MGMT: variants seen among roughly 807,000 people sequenced by gnomAD.
MGMT encodes methylated-DNA--protein-cysteine methyltransferase.
A neutral mutation model predicts 15.9 loss-of-function variants in MGMT; 14 were observed. The observed-to-expected ratio is 0.88, with a 90% CI of 0.58 to 1.37. The LOEUF (loss-of-function observed/expected upper bound fraction) is 1.37. MGMT is among the 40% of genes most tolerant of loss of function. MGMT has a pLI of 0.00. For missense variants in MGMT, 282 were observed against 268.1 expected (o/e 1.05, Z -0.36); for synonymous variants, 130 against 118.2 (o/e 1.10, Z -0.65).
rs990385168 is a variant in MGMT, at chr10:129,488,978, T to C, written c.-13+21682T>C. On this transcript the variant is annotated intron_variant, in intron 1 of 4. Coordinates refer to ENST00000651593, the MANE Select transcript of MGMT (RefSeq NM_002412.5). The stretch of plus-strand genomic sequence containing the variant: ...CTATTCCAAGTGGACGCATGCCTTT[T>C]TCTAGGCTCTCCTGTTCCATTGATC... Among the ~76,000 whole-genome samples, 19 of 152,218 alleles carry C rather than the reference T, an allele frequency of 1.2e-4. 1 individual carries two copies.
intron 3 of MGMT, among the ~76,000 whole-genome samples, chr10:129,716,881 A>G (rs1589954884): frequency 6.6e-6 from 1 of 152,208 alleles, no homozygotes; most frequent in African/African-American, 2.4e-5. Flanking sequence ...GAAGATAACA[A>G]AATGGTTTAA....
intron 2 of MGMT, among the ~76,000 whole-genome samples, chr10:129,647,151 C>G (rs371062306): frequency 4.3e-4 from 65 of 152,212 alleles, no homozygotes; most frequent in Non-Finnish European, 7.9e-4. Flanking sequence ...CTGCTGGTGA[C>G]GGCTCTAATA....
At chr10:129,732,226 A>G (rs956723340) in intron 3 of MGMT, among the ~76,000 whole-genome samples, 12 of 152,122 alleles carry the variant, frequency 7.9e-5, no homozygotes, top group African/African-American at 2.7e-4. Context: ...ACGTAGGTAT[A>G]CATGTGCTAT....
Position 129,722,008 on chromosome 10 carries a change from T to C in MGMT, c.274+13965T>C, listed in dbSNP as rs147594955. ...TGGTTTAAAAAGCCAGAGCCTGTTA[T>C]ATATTTTCTACTAGACAAAAATAAT... On this transcript the variant is annotated intron_variant, in intron 3 of 4. Coordinates refer to ENST00000651593, the MANE Select transcript of MGMT (RefSeq NM_002412.5). Among the ~76,000 whole-genome samples the C allele has an allele frequency of 3.4e-4, 52 of 152,154 alleles. No individual in the cohort carries two copies. In the East Asian group the frequency reaches 8.9e-3, roughly 26 times the overall value.
intron 2 of MGMT, among the ~76,000 whole-genome samples, chr10:129,641,726 CTG>C (rs1301442923): frequency 2.0e-5 from 3 of 152,268 alleles, no homozygotes; most frequent in Admixed American, 6.5e-5. Context: ...CAATTATAGT[CTG>C]TGTTATGACA....
At chr10:129,657,388 C>T (rs1847536027) in intron 2 of MGMT, among the ~76,000 whole-genome samples, 1 of 136,444 alleles carries the variant, frequency 7.3e-6, no homozygotes, top group Non-Finnish European at 1.5e-5. Flanking sequence ...GGACCTCCTG[C>T]ATTCTAGGGA....
chr10:129,637,787 G>A (rs1847278907), intron 2 of MGMT, among the ~76,000 whole-genome samples: 1 of 152,216 alleles, frequency 6.6e-6, no homozygotes, highest in African/African-American at 2.4e-5. Flanking sequence ...AGATGACCAT[G>A]TGAAGTGGCA....
At chr10:129,687,640 G>A (rs1036981769) in intron 2 of MGMT, among the ~76,000 whole-genome samples, 2 of 151,534 alleles carry the variant, frequency 1.3e-5, no homozygotes, top group Non-Finnish European at 2.9e-5. Context: ...TACTGTGCAT[G>A]TGTCAGGGGA....
intron 2 of MGMT, among the ~76,000 whole-genome samples, chr10:129,604,118 A>G (rs779296761): frequency 7.9e-5 from 12 of 152,168 alleles, no homozygotes; most frequent in Non-Finnish European, 1.6e-4. Context: ...TACTGATGGT[A>G]TGAAATGGGG....
At chr10:129,580,384 C>G (rs1846538261) in intron 2 of MGMT, among the ~76,000 whole-genome samples, 1 of 152,202 alleles carries the variant, frequency 6.6e-6, no homozygotes, top group African/African-American at 2.4e-5. Flanking sequence ...ACAGTAGAAA[C>G]TGAGGCATGG....
chr10:129,546,452 T>C (rs184730659), intron 2 of MGMT, among the ~76,000 whole-genome samples: 62 of 152,310 alleles, frequency 4.1e-4, no homozygotes, highest in Admixed American at 4.0e-3. Flanking sequence ...GTTAAGAGGC[T>C]GCGAGCCCCC....
At chr10:129,732,553 T>A (rs1461955691) in intron 3 of MGMT, among the ~76,000 whole-genome samples, 1 of 151,886 alleles carries the variant, frequency 6.6e-6, no homozygotes, top group Non-Finnish European at 1.5e-5. Flanking sequence ...TTTTGGCATT[T>A]TTTTTAATTT....
chr10:129,642,897 A>ATC lies in MGMT; in HGVS notation c.126-64997_126-64996insCT, dbSNP rs1434813648. On this transcript the variant is annotated intron_variant, in intron 2 of 4. Coordinates refer to ENST00000651593, the MANE Select transcript of MGMT (RefSeq NM_002412.5). ...CAGTGAGCCGCGATCCCACCAAGGC[A>ATC]TTCCAGCCTGGGCTGCAGAATAAGA... 6.6e-5 allele frequency among the ~76,000 whole-genome samples: 10 copies of ATC among 152,186 alleles called. No individual in the cohort carries two copies. The East Asian group carries it at 1.9e-3, about 29-fold the overall frequency.
At chr10:129,691,651 G>A (rs940274071) in intron 2 of MGMT, among the ~76,000 whole-genome samples, 2 of 152,182 alleles carry the variant, frequency 1.3e-5, no homozygotes, top group African/African-American at 2.4e-5. Context: ...AGGTGTCAGG[G>A]GTTTCATGAA....
chr10:129,681,438 A>G (rs1006450528), intron 2 of MGMT, among the ~76,000 whole-genome samples: 11 of 152,196 alleles, frequency 7.2e-5, no homozygotes, highest in African/African-American at 2.7e-4. Flanking sequence ...CTCTTCAGCT[A>G]TAAGAGAGAT....
chr10:129,632,859 G>C (rs1340538794), intron 2 of MGMT, among the ~76,000 whole-genome samples: 3 of 151,770 alleles, frequency 2.0e-5, no homozygotes, highest in Non-Finnish European at 4.4e-5. Flanking sequence ...GGAATACTTA[G>C]ATACGACGGA....
intron 2 of MGMT, among the ~76,000 whole-genome samples, chr10:129,651,449 A>G (rs529708622): frequency 5.2e-4 from 79 of 152,100 alleles, no homozygotes; most frequent in Admixed American, 1.6e-3. Flanking sequence ...TCAATGGCAA[A>G]GTGAAATGTA....
intron 2 of MGMT, among the ~76,000 whole-genome samples, chr10:129,687,831 A>T (rs367590798): frequency 6.6e-5 from 10 of 151,958 alleles, no homozygotes; most frequent in African/African-American, 1.7e-4. Flanking sequence ...ATATCTCCTA[A>T]TGCTATCCCT....
chr10:129,661,076 G>C (rs945856797), intron 2 of MGMT, among the ~76,000 whole-genome samples: 6 of 152,118 alleles, frequency 3.9e-5, no homozygotes, highest in African/African-American at 1.4e-4. Flanking sequence ...TACCTGGAGA[G>C]TACATAGTAT....
Sources: allele counts gnomAD v4.1 joint callset (sites outside exome capture counted in the v4.1 genomes callset), GRCh38; gene constraint gnomAD v4.1.1; transcripts MANE v1.5; gene names NCBI Gene and HGNC (gene_info 2026-07-23, HGNC 2026-07-21).